The following CDK5RAP2 variants were observed in gnomAD, a reference collection of about 807,000 sequenced individuals.
CDK5RAP2 encodes the protein CDK5 regulatory subunit-associated protein 2.
Under a neutral mutation model 232.9 loss-of-function variants are expected in CDK5RAP2, and 147 were observed. That is an observed-to-expected ratio of 0.63 (90% CI 0.55 to 0.72). The LOEUF (loss-of-function observed/expected upper bound fraction) is 0.72. Ranked by LOEUF, CDK5RAP2 falls within the 30% of genes least tolerant of loss-of-function variation. The probability of loss-of-function intolerance (pLI) is 0.00; values close to 1 mark genes in which losing one functional copy is unlikely to be tolerated. For missense variants in CDK5RAP2, 2,195 were observed against 2,231.5 expected (o/e 0.98, Z 0.33); for synonymous variants, 833 against 833.7 (o/e 1.00, Z 0.01).
Position 120,500,072 on chromosome 9 carries a change from G to A in CDK5RAP2, c.1312-8595C>T, listed in dbSNP as rs147918864. On this transcript the variant is annotated intron_variant, in intron 12 of 37. Coordinates refer to ENST00000349780, the MANE Select transcript of CDK5RAP2 (RefSeq NM_018249.6). ...ATGGTCTAGAGAGCTGCTATAATAC[G>A]GAGCTTCCAACTTGGCTCTGCTCAT... 4.1e-3 allele frequency among the ~76,000 whole-genome samples: 625 copies of A among 152,252 alleles called. 3 individuals carry two copies. The highest frequency in any genetic ancestry group is 0.014 in the African/African-American group (576 of 41,544).
intron 11 of CDK5RAP2, among the ~76,000 whole-genome samples, chr9:120,524,134 T>TA (rs1334403493): frequency 3.9e-5 from 6 of 151,902 alleles, no homozygotes; most frequent in East Asian, 1.9e-4. Context: ...CTCAGCAGTT[T>TA]AAAAAAAAGG....
At chr9:120,507,910 T>TAAA (rs1161123095) in intron 12 of CDK5RAP2, among the ~76,000 whole-genome samples, 1 of 59,430 alleles carries the variant, frequency 1.7e-5, no homozygotes, top group African/African-American at 8.2e-5. Flanking sequence ...ACTGGCTGAT[T>TAAA]AAAAAAAAAA....
At chr9:120,449,041 T>G (rs777962288) in intron 21 of CDK5RAP2, among the ~76,000 whole-genome samples, 3 of 152,150 alleles carry the variant, frequency 2.0e-5, no homozygotes, top group Non-Finnish European at 4.4e-5. Context: ...GCTTTCCAGT[T>G]CTATCAAGAC....
In CDK5RAP2 at chr9:120,439,940, T is replaced by C. The variant is rs763561222; in HGVS notation, c.3181A>G (p.Ser1061Gly). Residue 1061 changes from serine (S) to glycine (G), a missense_variant, in exon 24 of 38, where the codon AGC (serine) becomes GGC (glycine). Coordinates refer to ENST00000349780, the MANE Select transcript of CDK5RAP2 (RefSeq NM_018249.6). ...SEICPPDDLA[S>G]LPSCKENPED... ...GGATTTTCTTTGCATGATGGCAAGC[T>C]GGCAAGGTCATCAGGTGGGCAAATC... 1.9e-6 allele frequency: 3 copies of C among 1,614,146 alleles called. No individual in the cohort carries two copies. The highest frequency in any genetic ancestry group is 4.5e-5 in the East Asian group (2 of 44,886).
chr9:120,453,533 C>G lies in CDK5RAP2; in HGVS notation c.2716G>C (p.Glu906Gln), dbSNP rs778955741. The G allele has an allele frequency of 1.9e-6, 3 of 1,614,156 alleles. No homozygotes were observed. Among genetic ancestry groups the G allele is most frequent in the Non-Finnish European group, 2.5e-6 (3 of 1,180,046 alleles). ...EKPINTALSA[E>Q]HRPENLHGVP... is the part of the protein sequence containing the mutation. ...CCGTGCAGGTTCTCTGGCCGATGCT[C>G]TGCGCTGAGTGCAGTGTTGATCGGT... Residue 906 changes from glutamate (E) to glutamine (Q), a missense_variant, in exon 21 of 38, where the codon GAG (glutamate) becomes CAG (glutamine). Physicochemically the swap from Glu to Gln is conservative, Grantham distance 29. Coordinates refer to ENST00000349780, the MANE Select transcript of CDK5RAP2 (RefSeq NM_018249.6).
chr9:120,528,880 G>C, intron 8 of CDK5RAP2, 83 bp from the exon 9 acceptor site: 1 of 959,326 alleles, frequency 1.0e-6, no homozygotes, highest in Non-Finnish European at 1.7e-6. Flanking sequence ...GCACGTCCTT[G>C]TCGCTTACTC....
intron 12 of CDK5RAP2, among the ~76,000 whole-genome samples, chr9:120,507,081 T>C (rs1314895591): frequency 5.3e-5 from 8 of 152,184 alleles, no homozygotes; most frequent in Admixed American, 2.0e-4. Flanking sequence ...TCAGCAGCCA[T>C]TAACATTGAG....
Position 120,548,625 on chromosome 9 carries a change from T to C in CDK5RAP2, c.306+2167A>G, listed in dbSNP as rs551917769. On this transcript the variant is annotated intron_variant, in intron 4 of 37. Coordinates refer to ENST00000349780, the MANE Select transcript of CDK5RAP2 (RefSeq NM_018249.6). ...AGTTCAAGACCAGCCTTGGGCAACA[T>C]AGCAAGACCCCATCTCTACAAAAAG... Among the ~76,000 whole-genome samples, 7 of 151,836 alleles carry C rather than the reference T, an allele frequency of 4.6e-5. No individual in the cohort carries two copies. The South Asian group carries it at 6.3e-4, about 14-fold the overall frequency.
chr9:120,525,638 G>A (rs1474742060), intron 10 of CDK5RAP2, among the ~76,000 whole-genome samples: 2 of 151,600 alleles, frequency 1.3e-5, no homozygotes, highest in Non-Finnish European at 2.9e-5. Context: ...TTTCCTTTGA[G>A]ACGGGGTCTT....
At chr9:120,417,668 A>G (rs2034313347) in intron 27 of CDK5RAP2, among the ~76,000 whole-genome samples, 1 of 152,236 alleles carries the variant, frequency 6.6e-6, no homozygotes, top group Non-Finnish European at 1.5e-5. Context: ...TTATACAGCC[A>G]AACTGAAGAG....
At chr9:120,548,405 T>C (rs1240182242) in intron 4 of CDK5RAP2, among the ~76,000 whole-genome samples, 5 of 152,242 alleles carry the variant, frequency 3.3e-5, no homozygotes, top group African/African-American at 1.2e-4. Context: ...CATTCGGTTA[T>C]TTTTCTCAAG....
rs978332123 is a variant in CDK5RAP2 at position 120,453,712 on chromosome 9, T to A, written c.2537A>T (p.His846Leu). ...CTCACAAGACAACTTCAGTTCATCA[T>A]GTGGCTTGGAAAATGAGTTGGTTTG... ...FVQTNSFSKP[H>L]DELKLSCEAQ... Residue 846 changes from histidine (H) to leucine (L), a missense_variant, in exon 21 of 38, where the codon CAT becomes CTT. Transcript: ENST00000349780. The A allele has an allele frequency of 6.2e-7, 1 of 1,614,254 alleles. No individual in the cohort carries two copies. Among genetic ancestry groups the A allele is most frequent in the Non-Finnish European group, 8.5e-7 (1 of 1,180,044 alleles).
chr9:120,542,495 C>CAAA (rs369756744), intron 5 of CDK5RAP2, among the ~76,000 whole-genome samples: 2 of 93,414 alleles, frequency 2.1e-5, no homozygotes, highest in Non-Finnish European at 2.2e-5. Context: ...GACTCCATCT[C>CAAA]AAAAAAAAAA....
intron 12 of CDK5RAP2, among the ~76,000 whole-genome samples, chr9:120,504,101 A>C (rs751079707): frequency 5.9e-5 from 9 of 152,140 alleles, no homozygotes; most frequent in Non-Finnish European, 1.2e-4. Flanking sequence ...TCAAAGTACA[A>C]TTCTGTGACA....
chr9:120,577,304 T>C (rs1033739626), intron 1 of CDK5RAP2, among the ~76,000 whole-genome samples: 1 of 148,190 alleles, frequency 6.7e-6, no homozygotes, highest in Non-Finnish European at 1.5e-5. Context: ...GAGGTTGCAG[T>C]GAGCCAAGAT....
At chr9:120,491,277 T>G in intron 13 of CDK5RAP2, 30 bp downstream of exon 13, 6 of 1,567,412 alleles carry the variant, frequency 3.8e-6, no homozygotes, top group Non-Finnish European at 5.3e-6. Flanking sequence ...CATGCCAAAT[T>G]AAAAAATTTA....
chr9:120,557,065 G>C (rs1451380502), intron 3 of CDK5RAP2, among the ~76,000 whole-genome samples: 1 of 152,196 alleles, frequency 6.6e-6, no homozygotes, highest in African/African-American at 2.4e-5. Flanking sequence ...AACAACACTT[G>C]AAAGAATATT....
intron 7 of CDK5RAP2, chr9:120,532,509 G>C (rs1463513125): frequency 6.6e-6 from 1 of 152,170 alleles, no homozygotes; most frequent in Admixed American, 6.5e-5. Flanking sequence ...CGCAGATCTG[G>C]ATCCGTCTCA....
chr9:120,541,256 C>T (rs2041620477), intron 5 of CDK5RAP2, among the ~76,000 whole-genome samples: 1 of 152,184 alleles, frequency 6.6e-6, no homozygotes, highest in Non-Finnish European at 1.5e-5. Context: ...AATAGGCCGT[C>T]TCCCTCCTAT....
Sources: allele counts gnomAD v4.1 joint callset (sites outside exome capture counted in the v4.1 genomes callset), GRCh38; gene constraint gnomAD v4.1.1; transcripts MANE v1.5; gene names NCBI Gene and HGNC (gene_info 2026-07-23, HGNC 2026-07-21).